Variants in GABRG3 observed in about 807,000 individuals in gnomAD.
GABRG3 encodes gamma-aminobutyric acid type A receptor subunit gamma3, also known as gamma-aminobutyric acid receptor subunit gamma-3.
GABRG3 carries 25 observed loss-of-function variants against 48.8 expected under a neutral mutation model. The ratio of observed to expected loss-of-function variants is 0.51; its 90% CI spans 0.37 to 0.72. GABRG3 has a LOEUF of 0.72. Among genes scored for constraint, GABRG3 ranks in the 30% least tolerant of loss-of-function variants. GABRG3 has a pLI of 0.00. For missense variants in GABRG3, 394 were observed against 577.9 expected, an observed-to-expected ratio of 0.68 and a Z score of 3.26; for synonymous variants, 227 against 217.6, an observed-to-expected ratio of 1.04 and a Z score of -0.38.
intron 5 of GABRG3, among the ~76,000 whole-genome samples, chr15:27,374,485 T>C (rs1349309676): frequency 2.0e-5 from 3 of 152,204 alleles, no homozygotes; most frequent in African/African-American, 7.2e-5. Context: ...TAATATTTTA[T>C]TTGCCTGTTT....
chr15:27,210,224 C>T (rs958096855), intron 3 of GABRG3, among the ~76,000 whole-genome samples: 27 of 152,194 alleles, frequency 1.8e-4, no homozygotes, highest in African/African-American at 6.3e-4. Flanking sequence ...GGCCCCCATT[C>T]CTCCTCAGCA....
intron 3 of GABRG3, among the ~76,000 whole-genome samples, chr15:27,063,149 G>A (rs2140725252): frequency 6.6e-6 from 1 of 152,310 alleles, no homozygotes; most frequent in African/African-American, 2.4e-5. Context: ...TGCAAGATGA[G>A]GACAAAATTG....
At chr15:27,451,040 A>G (rs1889095991) in intron 5 of GABRG3, among the ~76,000 whole-genome samples, 1 of 152,204 alleles carries the variant, frequency 6.6e-6, no homozygotes, top group Middle Eastern at 3.2e-3. Context: ...GAAGACACAA[A>G]TAAATGAAAA....
chr15:27,157,901 C>T (rs1194325735), intron 3 of GABRG3: 1 of 152,152 alleles, frequency 6.6e-6, no homozygotes, highest in African/African-American at 2.4e-5. Flanking sequence ...CTGCTTGTTC[C>T]ATGTGCAGTC....
At chr15:27,019,524 T>C (rs1015643948) in intron 2 of GABRG3, among the ~76,000 whole-genome samples, 4 of 152,238 alleles carry the variant, frequency 2.6e-5, no homozygotes, top group Non-Finnish European at 5.9e-5. Flanking sequence ...ACAGGAATGC[T>C]ACTGCATACT....
intron 5 of GABRG3, among the ~76,000 whole-genome samples, chr15:27,450,889 A>G (rs1182640437): frequency 6.6e-6 from 1 of 152,206 alleles, no homozygotes; most frequent in Non-Finnish European, 1.5e-5. Context: ...ACATGCAAAA[A>G]TCAGTTGCCT....
intron 2 of GABRG3, among the ~76,000 whole-genome samples, chr15:27,015,589 G>A (rs890725339): frequency 1.6e-4 from 25 of 151,576 alleles, no homozygotes; most frequent in Admixed American, 2.6e-4. Context: ...GGGTTTCACC[G>A]TGTTAGCCAG....
chr15:27,262,927 C>T (rs11854617), intron 3 of GABRG3, among the ~76,000 whole-genome samples: 16,383 of 152,184 alleles, frequency 0.11, 1,598 homozygotes, highest in African/African-American at 0.26. Context: ...AAGAGAGAAA[C>T]ACATATTTTC....
intron 3 of GABRG3, among the ~76,000 whole-genome samples, chr15:27,197,896 A>G (rs1888547175): frequency 6.6e-6 from 1 of 152,164 alleles, no homozygotes; most frequent in Admixed American, 6.5e-5. Context: ...TTATTTGTGT[A>G]GAAGTGTTTA....
chr15:27,448,544 T>C (rs1017526318), intron 5 of GABRG3, among the ~76,000 whole-genome samples: 1 of 152,250 alleles, frequency 6.6e-6, no homozygotes, highest in African/African-American at 2.4e-5. Flanking sequence ...AGAAACTTGA[T>C]TCAAATCAGT....
At chr15:27,194,231 T>A (rs1888424782) in intron 3 of GABRG3, among the ~76,000 whole-genome samples, 1 of 152,240 alleles carries the variant, frequency 6.6e-6, no homozygotes, top group Admixed American at 6.5e-5. Context: ...CTTAGGTATT[T>A]CCTGTATATA....
chr15:27,321,951 T>A (rs569702552), intron 3 of GABRG3, among the ~76,000 whole-genome samples: 1 of 152,368 alleles, frequency 6.6e-6, no homozygotes, highest in South Asian at 2.1e-4. Flanking sequence ...CTGAAACAAA[T>A]CATGAACTTG....
At chr15:26,980,460 G>C (rs1310484291) in intron 2 of GABRG3, among the ~76,000 whole-genome samples, 2 of 151,952 alleles carry the variant, frequency 1.3e-5, no homozygotes, top group African/African-American at 2.4e-5. Context: ...GGAGGATCAC[G>C]AGGTCAGGAG....
chr15:27,066,184 C>T (rs760739995), intron 3 of GABRG3, among the ~76,000 whole-genome samples: 5 of 151,996 alleles, frequency 3.3e-5, no homozygotes, highest in Non-Finnish European at 5.9e-5. Context: ...TTTCCTAAGC[C>T]CTGATAGAGC....
intron 3 of GABRG3, among the ~76,000 whole-genome samples, chr15:27,095,636 C>T (rs146402966): frequency 2.4e-4 from 37 of 152,312 alleles, no homozygotes; most frequent in Non-Finnish European, 4.9e-4. Context: ...AATGATGCCA[C>T]AGCATGGGAG....
rs1335778890 is a variant in GABRG3 at position 27,308,284 on chromosome 15, C to T, written c.271-18525C>T. On this transcript the variant is annotated intron_variant, in intron 3 of 9. Transcript: ENST00000615808. ...TATATATAAACATAATATAAACATACGTTTATATATAAACATCATATAAAC... is the reference window on the plus strand; with the variant it reads ...TATATATAAACATAATATAAACATATGTTTATATATAAACATCATATAAAC... Among the ~76,000 whole-genome samples the T allele has an allele frequency of 1.1e-4, 14 of 129,432 alleles. 1 individual carries two copies. Among genetic ancestry groups the T allele is most frequent in the African/African-American group, 3.7e-4 (12 of 32,182 alleles). 84.9% of individuals were successfully genotyped at this position (129,432 alleles called of 152,430 possible).
chr15:26,977,172 T>A (rs898255751), intron 2 of GABRG3, 22 bp downstream of exon 2: 2 of 1,600,498 alleles, frequency 1.2e-6, no homozygotes, highest in African/African-American at 2.7e-5. Context: ...TTTTTGTTAT[T>A]CTAATAGAAA....
rs576371925 is a variant in GABRG3, at chr15:27,251,408, G to A, written c.271-75401G>A. Among the ~76,000 whole-genome samples the A allele has an allele frequency of 7.2e-5, 11 of 152,216 alleles. No individual in the cohort carries two copies. In the South Asian group the frequency reaches 1.0e-3, roughly 14 times the overall value. ...CTTCAGATATCTTCTGCTCAGAGAC[G>A]CAAAGGGAGCCCAGGAAACTTGGAC... On this transcript the variant is annotated intron_variant, in intron 3 of 9. Coordinates refer to ENST00000615808, the MANE Select transcript of GABRG3 (RefSeq NM_033223.5).
intron 3 of GABRG3, among the ~76,000 whole-genome samples, chr15:27,249,134 C>G (rs1421015818): frequency 3.9e-5 from 6 of 152,198 alleles, no homozygotes; most frequent in Non-Finnish European, 8.8e-5. Flanking sequence ...TGACTGGACT[C>G]AGGTGATGCG....
Sources: gnomAD v4.1 joint callset for allele counts (sites outside exome capture counted in the v4.1 genomes callset) on GRCh38, gnomAD v4.1.1 for gene constraint, MANE v1.5 for transcripts, NCBI Gene and HGNC (gene_info 2026-07-23, HGNC 2026-07-21) for gene names.